Variants in ENOX1 observed in about 807,000 individuals in gnomAD.
ENOX1 encodes candidate growth-related and time keeping constitutive hydroquinone (NADH) oxidase.
ENOX1 carries 42 observed loss-of-function variants against 82.5 expected under a neutral mutation model. That is an observed-to-expected ratio of 0.51 (90% confidence interval 0.40 to 0.66). The LOEUF (loss-of-function observed/expected upper bound fraction) is 0.66. Ranked by LOEUF, ENOX1 falls within the 30% of genes least tolerant of loss-of-function variation. The pLI, the probability that ENOX1 is intolerant of heterozygous loss-of-function variation, is 0.00. For missense variants in ENOX1, 608 were observed against 811.6 expected (o/e 0.75, Z 3.05); for synonymous variants, 271 against 282.2 (o/e 0.96, Z 0.40).
intron 12 of ENOX1, among the ~76,000 whole-genome samples, chr13:43,274,128 C>T (rs1173855532): frequency 2.0e-5 from 3 of 152,166 alleles, no homozygotes. Flanking sequence ...TTGAGGAAAA[C>T]AGCAGTTTCA....
intron 5 of ENOX1, among the ~76,000 whole-genome samples, chr13:43,370,956 C>G (rs1455886677): frequency 6.6e-6 from 1 of 150,680 alleles, no homozygotes; most frequent in Non-Finnish European, 1.5e-5. Context: ...ATGCCCTTCT[C>G]ACACCCCTGG....
intron 3 of ENOX1, among the ~76,000 whole-genome samples, chr13:43,421,543 TG>T (rs2054975836): frequency 6.6e-6 from 1 of 152,194 alleles, no homozygotes; most frequent in South Asian, 2.1e-4. Flanking sequence ...AACTTTTTCC[TG>T]AAGTGTCACA....
At chr13:43,651,277 G>C (rs561372336) in intron 2 of ENOX1, among the ~76,000 whole-genome samples, 3 of 152,226 alleles carry the variant, frequency 2.0e-5, no homozygotes, top group Non-Finnish European at 4.4e-5. Context: ...GGAAGGAGGA[G>C]AAGAGGAACA....
chr13:43,544,746 C>G (rs2078900393), intron 2 of ENOX1: 1 of 152,158 alleles, frequency 6.6e-6, no homozygotes, highest in Admixed American at 6.5e-5. Flanking sequence ...CAAGCTTCAT[C>G]CAGTAAGCGT....
Position 43,379,196 on chromosome 13 carries a change from A to G in ENOX1, c.209-17744T>C, listed in dbSNP as rs148603307. On this transcript the variant is annotated intron_variant, in intron 5 of 16. Transcript: ENST00000690772. ...ATGAGATTTCCAACCACAGTACTAC[A>G]AGATAATAAATTTGTGTTGTTTTTA... 7.6e-4 allele frequency among the ~76,000 whole-genome samples: 115 copies of G among 152,278 alleles called. 1 individual carries two copies. The East Asian group carries it at 0.02, about 27-fold the overall frequency.
At chr13:43,716,628 A>G (rs1277517463) in intron 1 of ENOX1, among the ~76,000 whole-genome samples, 1 of 152,214 alleles carries the variant, frequency 6.6e-6, no homozygotes, top group East Asian at 1.9e-4. Flanking sequence ...TACACATAGA[A>G]AAGCCTAAAG....
chr13:43,229,124 A>G (rs1314623165), intron 15 of ENOX1, among the ~76,000 whole-genome samples: 3 of 152,160 alleles, frequency 2.0e-5, no homozygotes, highest in Non-Finnish European at 4.4e-5. Flanking sequence ...AACTTCTTTC[A>G]CTTGGTTCTT....
intron 5 of ENOX1, among the ~76,000 whole-genome samples, chr13:43,385,003 AAAGT>A (rs2052317331): frequency 6.6e-6 from 1 of 152,134 alleles, no homozygotes; most frequent in East Asian, 1.9e-4. Flanking sequence ...CAGGGAAAAA[AAAGT>A]GTGTGGTATG....
chr13:43,523,308 G>A (rs934671819), intron 2 of ENOX1, among the ~76,000 whole-genome samples: 32 of 152,222 alleles, frequency 2.1e-4, no homozygotes, highest in African/African-American at 7.7e-4. Flanking sequence ...AGCCTGAGTT[G>A]TTATTTTTTA....
intron 1 of ENOX1, among the ~76,000 whole-genome samples, chr13:43,727,352 C>T (rs2089048675): frequency 6.6e-6 from 1 of 152,168 alleles, no homozygotes; most frequent in South Asian, 2.1e-4. Flanking sequence ...CAAGGATACC[C>T]CAAGTTGTAC....
At chr13:43,370,909 C>CTCCCTCCTGCCCCCA (rs2051196372) in intron 5 of ENOX1, among the ~76,000 whole-genome samples, 1 of 41,074 alleles carries the variant, frequency 2.4e-5, no homozygotes, top group Non-Finnish European at 1.6e-4. Flanking sequence ...CCTGTCCCCA[C>CTCCCTCCTGCCCCCA]CCCCTCCTGC....
At chr13:43,431,390 G>C (rs2055653016) in intron 3 of ENOX1, among the ~76,000 whole-genome samples, 1 of 151,994 alleles carries the variant, frequency 6.6e-6, no homozygotes, top group Non-Finnish European at 1.5e-5. Flanking sequence ...CCCTCACCTG[G>C]GCCCTTCTCT....
intron 2 of ENOX1, among the ~76,000 whole-genome samples, chr13:43,540,950 T>C (rs2078681071): frequency 6.6e-6 from 1 of 152,064 alleles, no homozygotes; most frequent in South Asian, 2.1e-4. Flanking sequence ...CAGGGTGATG[T>C]CAAGGATGAT....
chr13:43,619,590 T>C (rs191152740), intron 2 of ENOX1, among the ~76,000 whole-genome samples: 59 of 152,262 alleles, frequency 3.9e-4, no homozygotes, highest in Admixed American at 3.8e-3. Flanking sequence ...CCTGCATCCC[T>C]GGTATGAAAC....
intron 3 of ENOX1, among the ~76,000 whole-genome samples, chr13:43,452,188 G>A (rs1460324087): frequency 6.6e-6 from 1 of 152,106 alleles, no homozygotes; most frequent in Non-Finnish European, 1.5e-5. Flanking sequence ...TTGTTACACA[G>A]GTATACACGT....
At chr13:43,777,998 G>A (rs968373318) in intron 1 of ENOX1, among the ~76,000 whole-genome samples, 2 of 152,014 alleles carry the variant, frequency 1.3e-5, no homozygotes, top group Non-Finnish European at 2.9e-5. Flanking sequence ...TTTTGTTCTC[G>A]CTGATAAGCA....
intron 2 of ENOX1, among the ~76,000 whole-genome samples, chr13:43,655,358 T>A (rs1235735595): frequency 7.1e-6 from 1 of 140,788 alleles, no homozygotes; most frequent in Non-Finnish European, 1.5e-5. Context: ...TTGCTTTTTG[T>A]TTTTTTTGGA....
At chr13:43,595,021 C>T (rs148358011) in intron 2 of ENOX1, among the ~76,000 whole-genome samples, 7 of 151,296 alleles carry the variant, frequency 4.6e-5, no homozygotes, top group East Asian at 3.9e-4. Flanking sequence ...ATCAGAGAGG[C>T]GGGTGGAGAT....
chr13:43,617,801 C>T (rs1019823156), intron 2 of ENOX1, among the ~76,000 whole-genome samples: 1 of 152,208 alleles, frequency 6.6e-6, no homozygotes, highest in Non-Finnish European at 1.5e-5. Flanking sequence ...AATCTCCACA[C>T]TGTTTTCCAT....
Sources: allele counts gnomAD v4.1 joint callset (sites outside exome capture counted in the v4.1 genomes callset), GRCh38; gene constraint gnomAD v4.1.1; transcripts MANE v1.5; gene names NCBI Gene and HGNC (gene_info 2026-07-23, HGNC 2026-07-21).